The following COL14A1 variants were observed in gnomAD, a reference collection of about 807,000 sequenced individuals.
COL14A1 encodes collagen alpha-1(XIV) chain.
Under a neutral mutation model 230.3 loss-of-function variants are expected in COL14A1, and 136 were observed. The ratio of observed to expected loss-of-function variants is 0.59; its 90% confidence interval spans 0.51 to 0.68. The LOEUF (loss-of-function observed/expected upper bound fraction) is 0.68. COL14A1 is among the 30% of genes least tolerant of loss of function. COL14A1 has a pLI of 0.00. For missense variants in COL14A1, 1,976 were observed against 2,215.8 expected (o/e 0.89, Z 2.17); for synonymous variants, 792 against 784.1 (o/e 1.01, Z -0.17).
rs1821211100 is a variant in COL14A1, at chr8:120,315,950, C to G, written c.4612C>G (p.Pro1538Ala). The G allele has an allele frequency of 1.2e-6, 2 of 1,613,800 alleles. No homozygotes were observed. Among genetic ancestry groups the G allele is most frequent in the Non-Finnish European group, 1.7e-6 (2 of 1,179,936 alleles). The change falls in exon 40 of 48, where the codon CCA (proline) becomes GCA (alanine). Residue 1538 changes from proline to alanine, a missense_variant. Coordinates refer to ENST00000297848, the MANE Select transcript of COL14A1 (RefSeq NM_021110.4). Reference protein sequence around the residue: ...DTGLPGPQGIPGGVGSPGRDG... With the variant: ...DTGLPGPQGIAGGVGSPGRDG... ...TTGTCCCTGTTCTACACAGGGTATCCCAGGAGGCGTTGGTTCACCAGGACG... is the reference window on the plus strand; with the variant it reads ...TTGTCCCTGTTCTACACAGGGTATCGCAGGAGGCGTTGGTTCACCAGGACG...
At chr8:120,268,903 A>G (rs763500601) in intron 25 of COL14A1, among the ~76,000 whole-genome samples, 1 of 151,766 alleles carries the variant, frequency 6.6e-6, no homozygotes, top group Non-Finnish European at 1.5e-5. Context: ...TTATAAACTC[A>G]TAATTAGCAG....
At chr8:120,360,824 G>T (rs957228692) in intron 45 of COL14A1, among the ~76,000 whole-genome samples, 9 of 152,138 alleles carry the variant, frequency 5.9e-5, no homozygotes, top group Middle Eastern at 3.2e-3. Flanking sequence ...CCTTCTCCAG[G>T]CTTTAGCTTC....
At chr8:120,216,811 C>G (rs1204067237) in intron 14 of COL14A1, among the ~76,000 whole-genome samples, 1 of 152,174 alleles carries the variant, frequency 6.6e-6, no homozygotes, top group East Asian at 1.9e-4. Context: ...TCTAATTAGA[C>G]CCTTCACATG....
intron 8 of COL14A1, among the ~76,000 whole-genome samples, chr8:120,200,573 C>T (rs978849648): frequency 5.3e-5 from 8 of 151,048 alleles, no homozygotes; most frequent in African/African-American, 1.7e-4. Flanking sequence ...CCTGGGAATA[C>T]GTGTTTTAAA....
chr8:120,310,357 T>G lies in COL14A1; in HGVS notation c.4455+295T>G, dbSNP rs3816522. On this transcript the variant is annotated intron_variant, in intron 37 of 47. Coordinates refer to ENST00000297848, the MANE Select transcript of COL14A1 (RefSeq NM_021110.4). ...TCTCAGAAATTGTACATTCTTCTCT[T>G]CCTCTACCTACAACAAAAACGTATC... Among the ~76,000 whole-genome samples the G allele has an allele frequency of 2.4e-4, 37 of 152,324 alleles. No individual in the cohort carries two copies. The East Asian group carries it at 6.9e-3, about 29-fold the overall frequency.
At chr8:120,348,245 GTA>G (rs1554626843) in intron 45 of COL14A1, among the ~76,000 whole-genome samples, 1 of 145,182 alleles carries the variant, frequency 6.9e-6, no homozygotes. Context: ...ATATATATAT[GTA>G]TATATATGAA....
At chr8:120,138,793 C>T (rs940725580) in intron 1 of COL14A1, among the ~76,000 whole-genome samples, 2 of 152,134 alleles carry the variant, frequency 1.3e-5, no homozygotes, top group Non-Finnish European at 2.9e-5. Context: ...AAAGCTAACA[C>T]ACTGGATGAT....
chr8:120,226,560 A>G, intron 15 of COL14A1, 67 bp from the exon 16 acceptor site: 1 of 1,550,970 alleles, frequency 6.4e-7, no homozygotes, highest in Non-Finnish European at 8.9e-7. Context: ...CACCCCTGGG[A>G]GATACTTGGG....
intron 33 of COL14A1, among the ~76,000 whole-genome samples, chr8:120,287,028 C>T (rs894222584): frequency 1.1e-4 from 17 of 152,086 alleles, no homozygotes; most frequent in Non-Finnish European, 2.4e-4. Context: ...TAGAAAAATG[C>T]TTTGCTTCCT....
chr8:120,239,714 T>C (rs1171769554), intron 19 of COL14A1, among the ~76,000 whole-genome samples: 1 of 143,338 alleles, frequency 7.0e-6, no homozygotes, highest in African/African-American at 2.6e-5. Flanking sequence ...ATTAAATATA[T>C]AAGTTGTGAT....
intron 32 of COL14A1, among the ~76,000 whole-genome samples, chr8:120,284,617 C>G (rs1234272787): frequency 6.6e-6 from 1 of 152,052 alleles, no homozygotes; most frequent in Non-Finnish European, 1.5e-5. Context: ...AAGGATTTTT[C>G]AGTACATGGA....
intron 3 of COL14A1, among the ~76,000 whole-genome samples, chr8:120,159,134 G>A (rs1815575873): frequency 6.6e-6 from 1 of 152,114 alleles, no homozygotes; most frequent in Admixed American, 6.6e-5. Flanking sequence ...GGTTGATCTG[G>A]GATCAGCAGC....
chr8:120,176,066 C>G lies in COL14A1; in HGVS notation c.436+7819C>G, dbSNP rs142771880. Among the ~76,000 whole-genome samples the G allele has an allele frequency of 1.1e-4, 16 of 152,230 alleles. No individual in the cohort carries two copies. The East Asian group carries it at 3.1e-3, about 29-fold the overall frequency. ...TAAGTGCCACATATTTTATATATAG[C>G]ACTTACTACATGCGTAAAATAGTTT... On this transcript the variant is annotated intron_variant, in intron 5 of 47. Coordinates refer to ENST00000297848, the MANE Select transcript of COL14A1 (RefSeq NM_021110.4).
intron 8 of COL14A1, among the ~76,000 whole-genome samples, chr8:120,202,485 G>A (rs545596940): frequency 6.6e-4 from 100 of 152,112 alleles, no homozygotes; most frequent in African/African-American, 2.2e-3. Flanking sequence ...TGAAATGACG[G>A]GGATTATAAA....
chr8:120,252,459 G>C (rs1819003957), intron 22 of COL14A1, among the ~76,000 whole-genome samples: 1 of 152,172 alleles, frequency 6.6e-6, no homozygotes, highest in African/African-American at 2.4e-5. Context: ...TGGTTTGGCT[G>C]TATGCTAGTC....
chr8:120,316,101 G>C, intron 40 of COL14A1, 104 bp downstream of exon 40: 1 of 1,167,336 alleles, frequency 8.6e-7, no homozygotes, highest in Non-Finnish European at 1.3e-6. Flanking sequence ...GCCAGTTTTT[G>C]CTTTTTGTTT....
chr8:120,303,301 T>A (rs187770341), intron 36 of COL14A1, among the ~76,000 whole-genome samples: 3 of 152,280 alleles, frequency 2.0e-5, no homozygotes, highest in East Asian at 1.9e-4. Flanking sequence ...AGAGAGAACA[T>A]CCTTGTCTTG....
chr8:120,349,238 A>C (rs1822654668), intron 45 of COL14A1, among the ~76,000 whole-genome samples: 1 of 150,712 alleles, frequency 6.6e-6, no homozygotes, highest in South Asian at 2.1e-4. Context: ...CCATCTGTAC[A>C]TCACCATCAT....
At chr8:120,358,220 C>T (rs535191155) in intron 45 of COL14A1, among the ~76,000 whole-genome samples, 2 of 152,066 alleles carry the variant, frequency 1.3e-5, no homozygotes, top group African/African-American at 4.8e-5. Context: ...TGATTAATCC[C>T]ACCGCATTAG....
Sources: allele counts gnomAD v4.1 joint callset (sites outside exome capture counted in the v4.1 genomes callset), GRCh38; gene constraint gnomAD v4.1.1; transcripts MANE v1.5; gene names NCBI Gene and HGNC (gene_info 2026-07-23, HGNC 2026-07-21).